Variants in COMMD10 observed in about 807,000 individuals in gnomAD.
The protein encoded by COMMD10 is COMM domain containing 10.
Under a neutral mutation model 28.9 loss-of-function variants are expected in COMMD10, and 33 were observed. That is an observed-to-expected ratio of 1.14 (90% CI 0.87 to 1.53). The LOEUF is 1.53. COMMD10 is among the 40% of genes most tolerant of loss of function. The pLI is 0.00. For synonymous variants in COMMD10, 110 were observed against 81.7 expected (o/e 1.35, Z -1.87); for missense variants, 310 against 233.4 (o/e 1.33, Z -2.14).
intron 5 of COMMD10, among the ~76,000 whole-genome samples, chr5:116,251,297 TA>T (rs1750110922): frequency 3.3e-5 from 5 of 149,266 alleles, no homozygotes; most frequent in South Asian, 4.3e-4. Flanking sequence ...TTTATTTATT[TA>T]TTTATTATTA....
intron 4 of COMMD10, among the ~76,000 whole-genome samples, chr5:116,106,618 T>C (rs1750847259): frequency 6.6e-6 from 1 of 152,200 alleles, no homozygotes; most frequent in African/African-American, 2.4e-5. Flanking sequence ...TGTGGTAGTC[T>C]AAGTCTCTTT....
In COMMD10 at chr5:116,129,278, G is replaced by A. The variant is rs940569732; in HGVS notation, c.400-4790G>A. On this transcript the variant is annotated intron_variant, in intron 4 of 6. Transcript: ENST00000274458. ...TTACGTTTTTAATCTGTAAAATGGG[G>A]GTAATAAGCGTTACCTGTCTCACAG... 5.3e-4 allele frequency among the ~76,000 whole-genome samples: 80 copies of A among 149,600 alleles called. 1 individual carries two copies. The highest frequency in any genetic ancestry group is 1.8e-3 in the African/African-American group (75 of 40,932).
intron 4 of COMMD10, among the ~76,000 whole-genome samples, chr5:116,115,689 A>G (rs1441846572): frequency 6.6e-6 from 1 of 152,082 alleles, no homozygotes; most frequent in Admixed American, 6.6e-5. Flanking sequence ...CTGAAATTCT[A>G]TTTGGAGCTC....
intron 5 of COMMD10, among the ~76,000 whole-genome samples, chr5:116,227,422 C>G (rs889295734): frequency 1.3e-5 from 2 of 151,928 alleles, no homozygotes; most frequent in Admixed American, 1.3e-4. Context: ...TTTTGTCTTT[C>G]ACAAGATCTT....
Position 116,164,697 on chromosome 5 carries a change from A to G in COMMD10, c.510+30519A>G, listed in dbSNP as rs1753035154. Reference sequence around the variant, plus strand: ...GGATTACTTCATGTATTTACTCATAATAATATCTGAAATAGTAAAAAGAGT... The same window carrying G: ...GGATTACTTCATGTATTTACTCATAGTAATATCTGAAATAGTAAAAAGAGT... On this transcript the variant is annotated intron_variant, in intron 5 of 6. Coordinates refer to ENST00000274458, the MANE Select transcript of COMMD10 (RefSeq NM_016144.4). Among the ~76,000 whole-genome samples the G allele has an allele frequency of 2.6e-5, 4 of 152,228 alleles. No individual in the cohort carries two copies. In the South Asian group the frequency reaches 8.3e-4, roughly 32 times the overall value.
chr5:116,146,438 A>G (rs904339875), intron 5 of COMMD10, among the ~76,000 whole-genome samples: 2 of 151,742 alleles, frequency 1.3e-5, no homozygotes, highest in Non-Finnish European at 2.9e-5. Context: ...TGATTTTTGG[A>G]ATTGTTTTTC....
intron 4 of COMMD10, among the ~76,000 whole-genome samples, chr5:116,124,394 A>G (rs1166301253): frequency 1.3e-5 from 2 of 152,206 alleles, no homozygotes; most frequent in South Asian, 2.1e-4. Context: ...TGAGTTTCTT[A>G]ATCCTGAGTT....
At chr5:116,217,398 A>G (rs1466453714) in intron 5 of COMMD10, among the ~76,000 whole-genome samples, 3 of 152,258 alleles carry the variant, frequency 2.0e-5, no homozygotes, top group Non-Finnish European at 4.4e-5. Context: ...TGCTCTGAAC[A>G]GGCAAAGTTT....
At chr5:116,099,262 A>G (rs1228219160) in intron 4 of COMMD10, among the ~76,000 whole-genome samples, 1 of 152,108 alleles carries the variant, frequency 6.6e-6, no homozygotes, top group African/African-American at 2.4e-5. Context: ...TTAGCATAAC[A>G]CCCTCCAGGT....
At chr5:116,211,400 A>G (rs1748958977) in intron 5 of COMMD10, among the ~76,000 whole-genome samples, 1 of 152,122 alleles carries the variant, frequency 6.6e-6, no homozygotes, top group Non-Finnish European at 1.5e-5. Context: ...AGGCAATTGT[A>G]AAACAGTGGT....
intron 5 of COMMD10, among the ~76,000 whole-genome samples, chr5:116,219,483 A>G (rs1227378337): frequency 6.6e-6 from 1 of 152,174 alleles, no homozygotes; most frequent in Non-Finnish European, 1.5e-5. Context: ...AGAGAGAGGC[A>G]GAGGGAGATT....
intron 4 of COMMD10, among the ~76,000 whole-genome samples, chr5:116,121,699 T>C (rs1013696029): frequency 6.6e-6 from 1 of 152,222 alleles, no homozygotes; most frequent in African/African-American, 2.4e-5. Flanking sequence ...TGGTATCTCA[T>C]TGTGGTTTTG....
At chr5:116,282,283 T>A (rs1751090882) in intron 5 of COMMD10, among the ~76,000 whole-genome samples, 1 of 151,924 alleles carries the variant, frequency 6.6e-6, no homozygotes. Context: ...TCAGAATTTT[T>A]CACTTTTCTC....
At chr5:116,100,101 G>A (rs939457988) in intron 4 of COMMD10, among the ~76,000 whole-genome samples, 1 of 152,096 alleles carries the variant, frequency 6.6e-6, no homozygotes, top group Non-Finnish European at 1.5e-5. Context: ...TTTTGACTGT[G>A]ACCTGTCATA....
chr5:116,125,282 A>G (rs1751585191), intron 4 of COMMD10, among the ~76,000 whole-genome samples: 1 of 152,030 alleles, frequency 6.6e-6, no homozygotes, highest in Admixed American at 6.6e-5. Context: ...TTGTCTGTAA[A>G]TGATTTTATT....
intron 5 of COMMD10, among the ~76,000 whole-genome samples, chr5:116,169,984 G>T (rs1297392635): frequency 3.9e-5 from 6 of 152,098 alleles, no homozygotes; most frequent in African/African-American, 1.2e-4. Flanking sequence ...GGAAGCCCTG[G>T]CCAGGGCAAT....
At chr5:116,129,743 GTA>G (rs10616996) in intron 4 of COMMD10, among the ~76,000 whole-genome samples, 13,286 of 19,418 alleles carry the variant, frequency 0.68, 5,816 homozygotes, top group African/African-American at 0.8. Context: ...GTGATATACA[GTA>G]TATATATATA....
At chr5:116,086,290 C>G (rs1303286305) in intron 1 of COMMD10, among the ~76,000 whole-genome samples, 1 of 152,224 alleles carries the variant, frequency 6.6e-6, no homozygotes, top group African/African-American at 2.4e-5. Context: ...CAGTTTCTTT[C>G]CTCATACCAG....
chr5:116,148,863 CTTTAAGT>C (rs1752423713), intron 5 of COMMD10, among the ~76,000 whole-genome samples: 1 of 151,128 alleles, frequency 6.6e-6, no homozygotes, highest in Admixed American at 6.6e-5. Flanking sequence ...TATTATTATA[CTTTAAGT>C]TTTAAGTTTT....
Sources: allele counts gnomAD v4.1 joint callset (sites outside exome capture counted in the v4.1 genomes callset), GRCh38; gene constraint gnomAD v4.1.1; transcripts MANE v1.5; gene names NCBI Gene and HGNC (gene_info 2026-07-23, HGNC 2026-07-21).